The following TNFRSF13B variants were observed in gnomAD, a reference collection of about 807,000 sequenced individuals.
TNFRSF13B encodes TNF receptor superfamily member 13B.
In TNFRSF13B, 34 loss-of-function variants were observed where a neutral mutation model predicts 24.0. The ratio of observed to expected loss-of-function variants is 1.41; its 90% CI spans 1.08 to 1.88. TNFRSF13B has a LOEUF of 1.88. TNFRSF13B is among the 40% of genes most tolerant of loss of function. TNFRSF13B has a pLI of 0.00. For missense variants in TNFRSF13B, 415 were observed against 380.8 expected (o/e 1.09, Z -0.75); for synonymous variants, 173 against 150.3 (o/e 1.15, Z -1.10).
intron 1 of TNFRSF13B, among the ~76,000 whole-genome samples, chr17:16,966,853 T>C (rs990911922): frequency 6.9e-5 from 10 of 145,436 alleles, no homozygotes; most frequent in African/African-American, 2.5e-4. Context: ...TTTTTTTTTT[T>C]TTTGAGATGG....
At chr17:16,966,002 C>T (rs528227441) in intron 1 of TNFRSF13B, among the ~76,000 whole-genome samples, 2 of 152,180 alleles carry the variant, frequency 1.3e-5, no homozygotes, top group East Asian at 3.9e-4. Flanking sequence ...TGCTTGTAAT[C>T]CCAGCACTTT....
chr17:16,967,476 C>G (rs964345154), intron 1 of TNFRSF13B, among the ~76,000 whole-genome samples: 1 of 151,814 alleles, frequency 6.6e-6, no homozygotes, highest in African/African-American at 2.4e-5. Context: ...GAAACCAGGC[C>G]GGGCGCAGTG....
chr17:16,966,055 A>T (rs1476573624), intron 1 of TNFRSF13B, among the ~76,000 whole-genome samples: 2 of 152,192 alleles, frequency 1.3e-5, no homozygotes, highest in East Asian at 3.9e-4. Flanking sequence ...GGAGTTCGAG[A>T]TCAGTTTGAC....
chr17:16,946,599 T>A (rs775951969), intron 3 of TNFRSF13B, among the ~76,000 whole-genome samples: 7,466 of 146,990 alleles, frequency 0.051, 208 homozygotes, highest in South Asian at 0.11. Context: ...TTTATTTATT[T>A]TTTTTTGAGA....
intron 1 of TNFRSF13B, among the ~76,000 whole-genome samples, chr17:16,963,782 C>T (rs980210459): frequency 1.3e-5 from 2 of 152,200 alleles, no homozygotes; most frequent in Admixed American, 6.5e-5. Flanking sequence ...GATCTCCTGA[C>T]CTCCTGATCC....
intron 1 of TNFRSF13B, among the ~76,000 whole-genome samples, chr17:16,959,766 C>T (rs2087649147): frequency 6.6e-6 from 1 of 151,936 alleles, no homozygotes; most frequent in Non-Finnish European, 1.5e-5. Context: ...CACAATCTAC[C>T]AAAACTGATG....
intron 1 of TNFRSF13B, among the ~76,000 whole-genome samples, chr17:16,953,965 C>T (rs561738809): frequency 1.3e-5 from 2 of 152,302 alleles, no homozygotes; most frequent in Non-Finnish European, 1.5e-5. Flanking sequence ...GCGGGTTTCA[C>T]TATGTTGGCC....
At chr17:16,950,845 C>T (rs2087583648) in intron 2 of TNFRSF13B, among the ~76,000 whole-genome samples, 1 of 152,180 alleles carries the variant, frequency 6.6e-6, no homozygotes, top group South Asian at 2.1e-4. Context: ...CCCTTTCTTC[C>T]AGGTGCCCAT....
At chr17:16,955,285 C>T (rs1371717460) in intron 1 of TNFRSF13B, among the ~76,000 whole-genome samples, 1 of 152,106 alleles carries the variant, frequency 6.6e-6, no homozygotes, top group Non-Finnish European at 1.5e-5. Context: ...CACCTGGTGC[C>T]AACGAAGACA....
At position 16,972,004 on chromosome 17, in the gene TNFRSF13B, C is replaced by G. The variant is rs201483236; in HGVS notation, c.61+11G>C. On this transcript the variant is annotated intron_variant, in intron 1 of 4. Transcript: ENST00000261652. ...CCACCTGCCCTCCTGCCCTCCTGCC[C>G]GGCTACTCACAGCGCTCCTCCTGGT... The G allele has an allele frequency of 4.9e-4, 793 of 1,614,036 alleles. No homozygotes were observed. Among genetic ancestry groups the G allele is most frequent in the Non-Finnish European group, 5.9e-4 (698 of 1,179,970 alleles).
intron 1 of TNFRSF13B, among the ~76,000 whole-genome samples, chr17:16,961,305 A>T (rs2087660840): frequency 6.6e-6 from 1 of 152,256 alleles, no homozygotes; most frequent in Non-Finnish European, 1.5e-5. Flanking sequence ...AACATTCAGA[A>T]CAGCATATTC....
At chr17:16,963,685 C>G (rs1397509804) in intron 1 of TNFRSF13B, among the ~76,000 whole-genome samples, 3 of 152,040 alleles carry the variant, frequency 2.0e-5, no homozygotes, top group Non-Finnish European at 2.9e-5. Context: ...GAGTAGCTGG[C>G]ACTACAGGTG....
chr17:16,967,998 G>A (rs1022532794), intron 1 of TNFRSF13B, among the ~76,000 whole-genome samples: 5 of 150,974 alleles, frequency 3.3e-5, no homozygotes, highest in Non-Finnish European at 5.9e-5. Context: ...AAAATTAGCC[G>A]GGTGTGGTGG....
intron 1 of TNFRSF13B, among the ~76,000 whole-genome samples, chr17:16,956,915 C>A (rs1440685733): frequency 6.6e-6 from 1 of 152,142 alleles, no homozygotes; most frequent in South Asian, 2.1e-4. Flanking sequence ...AGCTACTCTG[C>A]AAGATACTCC....
intron 3 of TNFRSF13B, among the ~76,000 whole-genome samples, chr17:16,947,855 C>T (rs1304416755): frequency 6.6e-6 from 1 of 152,136 alleles, no homozygotes; most frequent in Admixed American, 6.6e-5. Flanking sequence ...GGGTATATAT[C>T]CAAAGGAAAA....
At chr17:16,965,269 G>C (rs1009812928) in intron 1 of TNFRSF13B, among the ~76,000 whole-genome samples, 12 of 152,002 alleles carry the variant, frequency 7.9e-5, no homozygotes, top group African/African-American at 2.9e-4. Context: ...CCTGTGCCCA[G>C]CCAATGATAA....
At chr17:16,954,593 C>A (rs1567653922) in intron 1 of TNFRSF13B, among the ~76,000 whole-genome samples, 1 of 152,220 alleles carries the variant, frequency 6.6e-6, no homozygotes, top group Non-Finnish European at 1.5e-5. Context: ...TGCCTGACTG[C>A]CTTTGAGAAT....
chr17:16,939,275 C>G lies in TNFRSF13B; in HGVS notation c.*272G>C, dbSNP rs2087487241. On this transcript the variant is annotated 3_prime_UTR_variant, in exon 5 of 5. Transcript: ENST00000261652. ...TCTGTCCCTCTCTCCCTCTCTGTCT[C>G]TCTGCCTCTCTCCCTCTCTGCCTCT... is the stretch of plus-strand genomic sequence containing the variant. The G allele has an allele frequency of 2.2e-6, 1 of 452,818 alleles. No individual in the cohort carries two copies. The highest frequency in any genetic ancestry group is 2.0e-5 in the African/African-American group (1 of 49,934). 28.1% of individuals were successfully genotyped at this position (452,818 alleles called of 1,614,324 possible). A position where few individuals can be genotyped will look rare whatever the true frequency, so the allele number is the denominator to read the frequency against.
chr17:16,955,917 C>G (rs2087621618), intron 1 of TNFRSF13B, among the ~76,000 whole-genome samples: 1 of 152,216 alleles, frequency 6.6e-6, no homozygotes, highest in East Asian at 1.9e-4. Flanking sequence ...CCAGGATAAG[C>G]AAGAAGGACC....
Sources: allele counts gnomAD v4.1 joint callset (sites outside exome capture counted in the v4.1 genomes callset), GRCh38; gene constraint gnomAD v4.1.1; transcripts MANE v1.5; gene names NCBI Gene and HGNC (gene_info 2026-07-23, HGNC 2026-07-21).